CREB5: variants seen among roughly 807,000 people sequenced by gnomAD.
CREB5 encodes the protein cyclic AMP-responsive element-binding protein 5.
Under a neutral mutation model 57.1 loss-of-function variants are expected in CREB5, and 19 were observed. That is an observed-to-expected ratio of 0.33 (90% CI 0.23 to 0.49). The LOEUF is 0.49. Ranked by LOEUF, CREB5 falls within the 20% of genes least tolerant of loss-of-function variation. The pLI is 0.99. For missense variants in CREB5, 579 were observed against 671.6 expected (o/e 0.86, Z 1.52); for synonymous variants, 238 against 238.3 (o/e 1.00, Z 0.01).
intron 4 of CREB5, among the ~76,000 whole-genome samples, chr7:28,528,093 T>C (rs1284581688): frequency 6.6e-6 from 1 of 152,190 alleles, no homozygotes; most frequent in Non-Finnish European, 1.5e-5. Context: ...GGAAAGCATG[T>C]TTTGTTTAGT....
At chr7:28,532,896 AGTTACT>A (rs1419068461) in intron 4 of CREB5, among the ~76,000 whole-genome samples, 1 of 152,222 alleles carries the variant, frequency 6.6e-6, no homozygotes, top group African/African-American at 2.4e-5. Context: ...CTTAGACAAG[AGTTACT>A]GTGGGAAATA....
At chr7:28,560,849 T>TGCGTGTGC (rs1342485250) in intron 4 of CREB5, among the ~76,000 whole-genome samples, 2 of 87,054 alleles carry the variant, frequency 2.3e-5, no homozygotes, top group Non-Finnish European at 4.6e-5. Flanking sequence ...TGTGTGCGCG[T>TGCGTGTGC]GTGTGTGTGC....
chr7:28,582,680 C>T (rs1455044583), intron 5 of CREB5, among the ~76,000 whole-genome samples: 1 of 152,042 alleles, frequency 6.6e-6, no homozygotes, highest in Admixed American at 6.5e-5. Context: ...TCCTTATCTC[C>T]AGTCAAGAAA....
chr7:28,310,440 T>C (rs912692532), intron 1 of CREB5, among the ~76,000 whole-genome samples: 4 of 152,234 alleles, frequency 2.6e-5, no homozygotes, highest in Admixed American at 1.3e-4. Context: ...CTGGCTGGAC[T>C]ATTAAATAGT....
chr7:28,709,659 T>C (rs951823364), intron 5 of CREB5, among the ~76,000 whole-genome samples: 2 of 151,472 alleles, frequency 1.3e-5, no homozygotes, highest in Non-Finnish European at 2.9e-5. Context: ...ATTACTACCA[T>C]TGGCTTACTT....
chr7:28,494,457 A>G (rs1164476359), intron 2 of CREB5, among the ~76,000 whole-genome samples: 1 of 152,178 alleles, frequency 6.6e-6, no homozygotes, highest in Admixed American at 6.6e-5. Flanking sequence ...TACAAAGTTT[A>G]AAGTGCAAAC....
intron 4 of CREB5, among the ~76,000 whole-genome samples, chr7:28,551,191 AT>A (rs1175141007): frequency 6.6e-6 from 1 of 151,724 alleles, no homozygotes; most frequent in East Asian, 1.9e-4. Context: ...AAAAATCAGT[AT>A]AATCTCCTCT....
chr7:28,385,231 T>C (rs1233261659), intron 1 of CREB5, among the ~76,000 whole-genome samples: 1 of 152,300 alleles, frequency 6.6e-6, no homozygotes, highest in South Asian at 2.1e-4. Context: ...AGTTCTTACC[T>C]GGCAGCAGAA....
chr7:28,410,430 C>T (rs1165652788), upstream of CREB5: 1 of 456,746 alleles, frequency 2.2e-6, no homozygotes. Context: ...TTGAACTTTT[C>T]ACGAAGTTCT....
intron 4 of CREB5, among the ~76,000 whole-genome samples, chr7:28,539,066 T>C (rs79161865): frequency 1.3e-3 from 201 of 152,362 alleles, no homozygotes; most frequent in Admixed American, 3.5e-3. Flanking sequence ...TCTATACATC[T>C]ACTGGAAAGT....
intron 1 of CREB5, among the ~76,000 whole-genome samples, chr7:28,459,822 T>C (rs927028574): frequency 6.6e-6 from 1 of 152,236 alleles, no homozygotes; most frequent in Non-Finnish European, 1.5e-5. Context: ...GTTTTGTATG[T>C]TTCTGGCGCT....
upstream of CREB5, among the ~76,000 whole-genome samples, chr7:28,411,550 G>A (rs895685031): frequency 6.7e-6 from 1 of 149,530 alleles, no homozygotes; most frequent in Non-Finnish European, 1.5e-5. Context: ...AAGAACCCTC[G>A]GTGTGGGGGG....
Position 28,606,080 on chromosome 7 carries a change from T to G in CREB5, c.464+35543T>G, listed in dbSNP as rs7782752. Reference sequence around the variant, plus strand: ...CAATTAGAATAAGATTGGGAAAGCATTACTACCAGCTCTCTAATTGTCCTT... The same window carrying G: ...CAATTAGAATAAGATTGGGAAAGCAGTACTACCAGCTCTCTAATTGTCCTT... On this transcript the variant is annotated intron_variant, in intron 5 of 10. Transcript: ENST00000357727. Among the ~76,000 whole-genome samples the G allele has an allele frequency of 4.6e-3, 707 of 152,302 alleles. 6 individuals carry two copies. The highest frequency in any genetic ancestry group is 0.016 in the African/African-American group (679 of 41,566).
rs1042166227 is a variant in CREB5, at chr7:28,809,330, C to T, written c.1170C>T (p.Thr390=). 6.8e-6 allele frequency: 11 copies of T among 1,614,064 alleles called. No homozygotes were observed. In the Admixed American group the frequency reaches 1.8e-4, roughly 27 times the overall value. ...KFLERNRAAA[T]RCRQKRKVWV... Reference sequence around the variant, plus strand: ...TGGAACGGAACCGGGCAGCTGCCACCCGCTGCAGACAGAAGAGGAAGGTCT... The same window carrying T: ...TGGAACGGAACCGGGCAGCTGCCACTCGCTGCAGACAGAAGAGGAAGGTCT... Residue 390 remains threonine, a synonymous_variant, in exon 9 of 11, where the codon ACC becomes ACT. Transcript: ENST00000357727.
intron 1 of CREB5, among the ~76,000 whole-genome samples, chr7:28,454,788 A>T (rs1470592029): frequency 6.6e-6 from 1 of 152,204 alleles, no homozygotes; most frequent in Non-Finnish European, 1.5e-5. Context: ...TTGAGTTGGT[A>T]TGCCACTGTG....
At chr7:28,409,953 G>T (rs1787701728), upstream of CREB5, 2 of 453,764 alleles carry the variant, frequency 4.4e-6, no homozygotes, top group African/African-American at 4.0e-5. This position sits in a 1 kb window ranked among gnomAD's most constrained non-coding sequence, Gnocchi z 4.4. Flanking sequence ...CGGAGACGGC[G>T]AGCCAGGAAC....
At chr7:28,591,858 C>G (rs1796533049) in intron 5 of CREB5, among the ~76,000 whole-genome samples, 1 of 152,090 alleles carries the variant, frequency 6.6e-6, no homozygotes, top group Admixed American at 6.5e-5. Flanking sequence ...GTGCTTGGGA[C>G]TCATAGGCTC....
At chr7:28,480,407 T>C (rs1018877889) in intron 1 of CREB5, among the ~76,000 whole-genome samples, 5 of 152,222 alleles carry the variant, frequency 3.3e-5, no homozygotes, top group Non-Finnish European at 7.3e-5. Context: ...ATGGGGGCAG[T>C]TATTTTAAAT....
At chr7:28,654,400 G>A (rs1165068635) in intron 5 of CREB5, among the ~76,000 whole-genome samples, 5 of 152,152 alleles carry the variant, frequency 3.3e-5, no homozygotes, top group African/African-American at 7.2e-5. Flanking sequence ...TTTGAGGCTC[G>A]CAAATGGCAC....
Sources: allele counts gnomAD v4.1 joint callset (sites outside exome capture counted in the v4.1 genomes callset), GRCh38; gene constraint gnomAD v4.1.1; non-coding constraint Gnocchi (gnomAD v3.1); transcripts MANE v1.5; gene names NCBI Gene and HGNC (gene_info 2026-07-23, HGNC 2026-07-21).